Variants in GFRA1 observed in about 807,000 individuals in gnomAD.
GFRA1 encodes GDNF family receptor alpha-1.
Under a neutral mutation model 51.6 loss-of-function variants are expected in GFRA1, and 16 were observed. That is an observed-to-expected ratio of 0.31 (90% CI 0.21 to 0.47). The LOEUF (loss-of-function observed/expected upper bound fraction) is 0.47. Ranked by LOEUF, GFRA1 falls within the 20% of genes least tolerant of loss-of-function variation. GFRA1 has a pLI of 1.00. For synonymous variants in GFRA1, 270 were observed against 241.3 expected, an observed-to-expected ratio of 1.12 and a Z score of -1.10; for missense variants, 530 against 594.3, an observed-to-expected ratio of 0.89 and a Z score of 1.13.
chr10:116,185,554 A>C (rs1025749611), intron 5 of GFRA1, among the ~76,000 whole-genome samples: 31 of 152,180 alleles, frequency 2.0e-4, no homozygotes, highest in Middle Eastern at 3.4e-3. Context: ...GGTGCCCCAT[A>C]ATCAATGACT....
In GFRA1 at chr10:116,132,331, A is replaced by G. The variant is rs532178048; in HGVS notation, c.434-6774T>C. Among the ~76,000 whole-genome samples the G allele has an allele frequency of 4.7e-4, 71 of 152,336 alleles. 1 individual carries two copies. The South Asian group carries it at 0.014, about 31-fold the overall frequency. Reference sequence around the variant, plus strand: ...GGCAGTATATTCATAAATGAATTTTAAAAACTTAGAGGATGGACATATGGG... The same window carrying G: ...GGCAGTATATTCATAAATGAATTTTGAAAACTTAGAGGATGGACATATGGG... On this transcript the variant is annotated intron_variant, in intron 5 of 10. Coordinates refer to ENST00000355422, the MANE Select transcript of GFRA1 (RefSeq NM_005264.8).
At chr10:116,102,252 A>G in intron 6 of GFRA1, among the ~76,000 whole-genome samples, 1 of 152,190 alleles carries the variant, frequency 6.6e-6, no homozygotes, top group Non-Finnish European at 1.5e-5. Flanking sequence ...CATCAAGTGT[A>G]TACCTGCTTT....
chr10:116,155,538 A>T (rs1959183403), intron 5 of GFRA1, among the ~76,000 whole-genome samples: 1 of 152,208 alleles, frequency 6.6e-6, no homozygotes, highest in Non-Finnish European at 1.5e-5. Flanking sequence ...TATTAATGGA[A>T]TTTTTTTAAA....
chr10:116,208,559 G>A (rs1964955424), intron 5 of GFRA1, among the ~76,000 whole-genome samples: 1 of 152,160 alleles, frequency 6.6e-6, no homozygotes, highest in African/African-American at 2.4e-5. Context: ...AGGAGGAAAG[G>A]CTATACCTCT....
At chr10:116,181,157 T>C (rs1193800843) in intron 5 of GFRA1, among the ~76,000 whole-genome samples, 1 of 152,208 alleles carries the variant, frequency 6.6e-6, no homozygotes, top group Non-Finnish European at 1.5e-5. Context: ...ATAGGTATAA[T>C]AAGGTGCTTG....
At chr10:116,156,436 C>T (rs1959200612) in intron 5 of GFRA1, among the ~76,000 whole-genome samples, 1 of 96,748 alleles carries the variant, frequency 1.0e-5, no homozygotes, top group African/African-American at 4.8e-5. Context: ...TCACATACCC[C>T]AAACAGTGTG....
intron 5 of GFRA1, among the ~76,000 whole-genome samples, chr10:116,175,028 T>G (rs1007955603): frequency 6.6e-6 from 1 of 152,156 alleles, no homozygotes; most frequent in African/African-American, 2.4e-5. Context: ...GCTCCCTCTT[T>G]CGTAGGACTC....
chr10:116,133,760 T>C (rs866218416), intron 5 of GFRA1, among the ~76,000 whole-genome samples: 1 of 152,248 alleles, frequency 6.6e-6, no homozygotes, highest in Admixed American at 6.5e-5. Flanking sequence ...AAGGAGTACA[T>C]GGACCAATGA....
At position 116,096,142 on chromosome 10, in the gene GFRA1, C is replaced by T. The variant is rs150155689; in HGVS notation, c.880+513G>A. The stretch of plus-strand genomic sequence containing the variant: ...GAAAAAAAATTTAGCCTAAATCACC[C>T]ACTGCACACTGGGAGTTGAATTACC... On this transcript the variant is annotated intron_variant, in intron 7 of 10. Coordinates refer to ENST00000355422, the MANE Select transcript of GFRA1 (RefSeq NM_005264.8). Among the ~76,000 whole-genome samples the T allele has an allele frequency of 4.1e-4, 62 of 152,232 alleles. No homozygotes were observed. In the Middle Eastern group the frequency reaches 0.01, roughly 25 times the overall value.
chr10:116,236,533 A>G (rs901510356), intron 4 of GFRA1, among the ~76,000 whole-genome samples: 1 of 152,172 alleles, frequency 6.6e-6, no homozygotes, highest in Non-Finnish European at 1.5e-5. Context: ...AGACCCAGAA[A>G]AAAGAGAAAA....
intron 5 of GFRA1, among the ~76,000 whole-genome samples, chr10:116,146,092 A>T (rs1294348384): frequency 6.6e-6 from 1 of 152,026 alleles, no homozygotes; most frequent in Non-Finnish European, 1.5e-5. Context: ...ATATATTTAT[A>T]CACATATGTG....
intron 4 of GFRA1, among the ~76,000 whole-genome samples, chr10:116,235,136 C>A (rs963556816): frequency 1.3e-5 from 2 of 152,116 alleles, no homozygotes; most frequent in Admixed American, 1.3e-4. Context: ...AATGTGGCAC[C>A]AGATCAACTG....
intron 4 of GFRA1, among the ~76,000 whole-genome samples, chr10:116,257,765 C>G (rs1589917967): frequency 6.6e-6 from 1 of 151,542 alleles, no homozygotes; most frequent in East Asian, 1.9e-4. Context: ...AAAATTTCAG[C>G]AATGCTGAGA....
intron 9 of GFRA1, among the ~76,000 whole-genome samples, chr10:116,086,410 T>A (rs1956102366): frequency 6.6e-6 from 1 of 152,182 alleles, no homozygotes; most frequent in Non-Finnish European, 1.5e-5. Flanking sequence ...TTTAATCCTC[T>A]CAACTCCGGC....
chr10:116,233,312 A>G (rs940812935), intron 4 of GFRA1, among the ~76,000 whole-genome samples: 4 of 151,898 alleles, frequency 2.6e-5, no homozygotes, highest in Non-Finnish European at 5.9e-5. Context: ...TGGGCGACAG[A>G]GTGAGACTCC....
In GFRA1 at chr10:116,272,316, C is replaced by T. The variant is rs776821082; in HGVS notation, c.-246-41G>A. ...CGCTTTGAGATGAGAGCGGAGAGCG[C>T]CGGAGACTCCCCCCACAGAACCCTC... On this transcript the variant is annotated intron_variant, in intron 1 of 10. Coordinates refer to ENST00000355422, the MANE Select transcript of GFRA1 (RefSeq NM_005264.8). This position sits in a 1 kb window ranked among gnomAD's most constrained non-coding sequence, Gnocchi z 4.4. The T allele has an allele frequency of 1.8e-6, 1 of 541,286 alleles. No homozygotes were observed. The highest frequency in any genetic ancestry group is 3.3e-6 in the Non-Finnish European group (1 of 300,630). 33.5% of individuals were successfully genotyped at this position (541,286 alleles called of 1,614,324 possible).
chr10:116,242,581 A>G lies in GFRA1; in HGVS notation c.418+26922T>C, dbSNP rs189401458. ...ACTGCAACCTCTGACTCCCGGGTTCAAGCAATTCTTCTGCCTCAGCCTCCC... is the reference window on the plus strand; with the variant it reads ...ACTGCAACCTCTGACTCCCGGGTTCGAGCAATTCTTCTGCCTCAGCCTCCC... On this transcript the variant is annotated intron_variant, in intron 4 of 10. Transcript: ENST00000355422. Among the ~76,000 whole-genome samples, 59 of 151,932 alleles carry G rather than the reference A, an allele frequency of 3.9e-4. 1 individual carries two copies. Among genetic ancestry groups the G allele is most frequent in the Non-Finnish European group, 6.9e-4 (47 of 67,968 alleles).
At chr10:116,080,293 A>G (rs896227246) in intron 9 of GFRA1, among the ~76,000 whole-genome samples, 1 of 152,208 alleles carries the variant, frequency 6.6e-6, no homozygotes, top group Non-Finnish European at 1.5e-5. Context: ...GGCAGAAAAG[A>G]TAAGTAATTT....
chr10:116,185,844 G>A (rs1299577151), intron 5 of GFRA1, among the ~76,000 whole-genome samples: 7 of 152,256 alleles, frequency 4.6e-5, no homozygotes, highest in South Asian at 2.1e-4. Context: ...TATTATTGTC[G>A]CTGTTTTAAT....
Sources: allele counts gnomAD v4.1 joint callset (sites outside exome capture counted in the v4.1 genomes callset), GRCh38; gene constraint gnomAD v4.1.1; non-coding constraint Gnocchi (gnomAD v3.1); transcripts MANE v1.5; gene names NCBI Gene and HGNC (gene_info 2026-07-23, HGNC 2026-07-21).